DEPDC5: variants seen among roughly 807,000 people sequenced by gnomAD.
DEPDC5 encodes the protein DEP domain containing 5, GATOR1 subcomplex subunit.
In DEPDC5, 73 loss-of-function variants were observed where a neutral mutation model predicts 217.3. The observed-to-expected ratio is 0.34, with a 90% confidence interval of 0.28 to 0.41. DEPDC5 has a LOEUF of 0.41. Among genes scored for constraint, DEPDC5 ranks in the 10% least tolerant of loss-of-function variants. The probability of loss-of-function intolerance (pLI) is 1.00; values close to 1 mark genes in which losing one functional copy is unlikely to be tolerated. For synonymous variants in DEPDC5, 733 were observed against 756.7 expected (o/e 0.97, Z 0.51); for missense variants, 1,675 against 2,070.1 (o/e 0.81, Z 3.70).
At chr22:31,789,639 G>C (rs1048852096) in intron 10 of DEPDC5, among the ~76,000 whole-genome samples, 1 of 152,140 alleles carries the variant, frequency 6.6e-6, no homozygotes, top group East Asian at 1.9e-4. Flanking sequence ...TATTTCATTC[G>C]ATTATCTCAC....
chr22:31,784,751 A>C, intron 9 of DEPDC5, 63 bp from the exon 10 acceptor site: 1 of 1,520,044 alleles, frequency 6.6e-7, no homozygotes, highest in Non-Finnish European at 9.1e-7. Flanking sequence ...TAGAGAAGAA[A>C]TTGCAAGCAA....
intron 5 of DEPDC5, among the ~76,000 whole-genome samples, chr22:31,765,898 C>G (rs2082772680): frequency 6.6e-6 from 1 of 152,146 alleles, no homozygotes; most frequent in Admixed American, 6.5e-5. Context: ...TGGCGCACCC[C>G]TGAAGTCCCA....
intron 29 of DEPDC5, chr22:31,844,743 A>T: frequency 1.9e-5 from 3 of 154,888 alleles, no homozygotes; most frequent in Non-Finnish European, 2.3e-5. Context: ...CAAGGTGGAG[A>T]TGGGGTCTCG....
chr22:31,802,884 G>C, intron 15 of DEPDC5, 46 bp downstream of exon 15: 2 of 1,534,650 alleles, frequency 1.3e-6, no homozygotes, highest in Non-Finnish European at 1.8e-6. Flanking sequence ...TTCCTAGCCT[G>C]ATTTCCCCTT....
At chr22:31,837,332 G>T in intron 26 of DEPDC5, 177 bp downstream of exon 26, 20 of 631,926 alleles carry the variant, frequency 3.2e-5, no homozygotes, top group South Asian at 7.9e-5. Flanking sequence ...ACATTGAATT[G>T]TATTTTATCT....
intron 14 of DEPDC5, among the ~76,000 whole-genome samples, chr22:31,801,067 G>A (rs929373408): frequency 4.6e-5 from 7 of 151,166 alleles, no homozygotes; most frequent in Non-Finnish European, 7.4e-5. Flanking sequence ...CTTAGGCAGC[G>A]GGATCACCTG....
At chr22:31,769,030 G>A in intron 7 of DEPDC5, 167 bp downstream of exon 7, 2 of 745,388 alleles carry the variant, frequency 2.7e-6, no homozygotes, top group South Asian at 1.8e-5. Context: ...GGAGGCCAAG[G>A]TGGGCGGATC....
At chr22:31,884,581 C>A (rs1314017346) in intron 38 of DEPDC5, among the ~76,000 whole-genome samples, 1 of 152,168 alleles carries the variant, frequency 6.6e-6, no homozygotes, top group Non-Finnish European at 1.5e-5. Flanking sequence ...TTGCTGGTTT[C>A]TCTTCAGCAA....
chr22:31,755,197 G>A, intron 2 of DEPDC5: 1 of 506,134 alleles, frequency 2.0e-6, no homozygotes, highest in Non-Finnish European at 3.5e-6. Flanking sequence ...AATGCTGCCG[G>A]TTTACTACCC....
rs940497319 is a variant in DEPDC5 at position 31,762,343 on chromosome 22, A to G, written c.193+1641A>G. 3.9e-5 allele frequency among the ~76,000 whole-genome samples: 6 copies of G among 152,258 alleles called. 1 individual carries two copies. The highest frequency in any genetic ancestry group is 3.9e-4 in the Admixed American group (6 of 15,282). On this transcript the variant is annotated intron_variant, in intron 4 of 42. Transcript: ENST00000651528. ...TTCCTGCTTACTTATTCTGGATTCA[A>G]ATCCTTTCTTTTTCCCTCTAATGGC...
chr22:31,810,012 A>C (rs958930308), intron 19 of DEPDC5, among the ~76,000 whole-genome samples: 2 of 152,256 alleles, frequency 1.3e-5, no homozygotes, highest in Middle Eastern at 3.4e-3. Flanking sequence ...AACCCATGAC[A>C]ACAAAACTAT....
rs189673626 is a variant in DEPDC5, at chr22:31,783,354, A to T, written c.484-553A>T. On this transcript the variant is annotated intron_variant, in intron 8 of 42. Coordinates refer to ENST00000651528, the MANE Select transcript of DEPDC5 (RefSeq NM_001242896.3). ...CCACCTTTAACAGCTGTTAACACTC[A>T]CCATGAAGGTCCGCAGCTTCATTCT... 3.5e-3 allele frequency among the ~76,000 whole-genome samples: 532 copies of T among 152,104 alleles called. 3 individuals are homozygous for T. Among genetic ancestry groups the T allele is most frequent in the African/African-American group, 0.012 (511 of 41,506 alleles).
chr22:31,859,080 T>G (rs13058177), intron 32 of DEPDC5: 1 of 43,720 alleles, frequency 2.3e-5, no homozygotes, highest in African/African-American at 1.4e-4. Flanking sequence ...CATTCCTTTG[T>G]TTTTTTTTTT....
intron 27 of DEPDC5, among the ~76,000 whole-genome samples, chr22:31,840,049 C>T (rs2091294073): frequency 6.6e-6 from 1 of 152,164 alleles, no homozygotes; most frequent in African/African-American, 2.4e-5. Flanking sequence ...ACTTACTCTG[C>T]CTGGCTGGGG....
At chr22:31,856,475 A>G (rs1263836653) in intron 31 of DEPDC5, among the ~76,000 whole-genome samples, 1 of 152,210 alleles carries the variant, frequency 6.6e-6, no homozygotes, top group Non-Finnish European at 1.5e-5. Context: ...ACCTAACAAT[A>G]AAACAGTGAT....
At chr22:31,848,013 G>C (rs934302536) in intron 31 of DEPDC5, among the ~76,000 whole-genome samples, 4 of 152,132 alleles carry the variant, frequency 2.6e-5, no homozygotes, top group Admixed American at 2.6e-4. Flanking sequence ...GGGGCTACAG[G>C]CCCCATGCAA....
chr22:31,850,418 A>G (rs148982397), intron 31 of DEPDC5, among the ~76,000 whole-genome samples: 2 of 152,346 alleles, frequency 1.3e-5, no homozygotes, highest in Non-Finnish European at 2.9e-5. Flanking sequence ...CTTTTCTTAC[A>G]GTATATGGTA....
chr22:31,799,449 C>T (rs1173511460), intron 14 of DEPDC5, among the ~76,000 whole-genome samples: 1 of 151,396 alleles, frequency 6.6e-6, no homozygotes, highest in African/African-American at 2.4e-5. Context: ...CCTATCAACC[C>T]ATCATCTGCA....
rs912889864 is a variant in DEPDC5 at position 31,906,330 on chromosome 22, G to T, written c.4645G>T (p.Ala1549Ser). The T allele has an allele frequency of 1.2e-5, 20 of 1,614,006 alleles. No individual in the cohort carries two copies. Among genetic ancestry groups the T allele is most frequent in the Non-Finnish European group, 1.7e-5 (20 of 1,179,936 alleles). The change falls in exon 43 of 43, where the codon GCC becomes TCC. Residue 1549 changes from alanine (A) to serine (S), a missense_variant. Physicochemically the swap from Ala to Ser is moderately conservative, Grantham distance 99. Transcript: ENST00000651528. This position sits in a 1 kb window ranked among gnomAD's most constrained non-coding sequence, Gnocchi z 5.1. ...CGAGGAGCGGGTCGGCTACAACTGG[G>T]CCTACAACACCATGCTCACCAAAAC... is the stretch of plus-strand genomic sequence containing the variant. ...FCEERVGYNW[A>S]YNTMLTKTWR...
Sources: allele counts gnomAD v4.1 joint callset (sites outside exome capture counted in the v4.1 genomes callset), GRCh38; gene constraint gnomAD v4.1.1; non-coding constraint Gnocchi (gnomAD v3.1); transcripts MANE v1.5; gene names NCBI Gene and HGNC (gene_info 2026-07-23, HGNC 2026-07-21).